Variants in GALNT13 observed in about 807,000 individuals in gnomAD.
GALNT13 encodes the protein polypeptide N-acetylgalactosaminyltransferase 13, also known as UDP-GalNAc:polypeptide N-acetylgalactosaminyltransferase 13.
Under a neutral mutation model 64.2 loss-of-function variants are expected in GALNT13, and 28 were observed. That is an observed-to-expected ratio of 0.44 (90% confidence interval 0.32 to 0.60). GALNT13 has a LOEUF of 0.60. Ranked by LOEUF, GALNT13 falls within the 20% of genes least tolerant of loss-of-function variation. GALNT13 has a pLI of 0.05. For synonymous variants in GALNT13, 214 were observed against 224.6 expected, an observed-to-expected ratio of 0.95 and a Z score of 0.42; for missense variants, 577 against 669.8, an observed-to-expected ratio of 0.86 and a Z score of 1.53.
At chr2:153,590,206 C>G in the GALNT13 span, among the ~76,000 whole-genome samples, 1 of 151,986 alleles carries the variant, frequency 6.6e-6, no homozygotes, top group African/African-American at 2.4e-5. Context: ...CTATTATGAA[C>G]ATATATACAC....
At chr2:153,773,494 A>G in the GALNT13 span, among the ~76,000 whole-genome samples, 1 of 152,166 alleles carries the variant, frequency 6.6e-6, no homozygotes, top group South Asian at 2.1e-4. Flanking sequence ...AGTATTGTGT[A>G]TTTGCATTTA....
At chr2:154,179,824 TA>T (rs56303526) in intron 4 of GALNT13, among the ~76,000 whole-genome samples, 64,603 of 126,524 alleles carry the variant, frequency 0.51, 14,863 homozygotes, top group East Asian at 0.65. Flanking sequence ...TCTTCCATGA[TA>T]AAAAAAAAAA....
the GALNT13 span, among the ~76,000 whole-genome samples, chr2:153,439,315 G>A: frequency 1.1e-3 from 162 of 152,260 alleles, 1 homozygote; most frequent in African/African-American, 3.7e-3. Context: ...CTCCAGCTGC[G>A]TGCTGGGAGA....
chr2:153,645,552 G>A, the GALNT13 span, among the ~76,000 whole-genome samples: 5 of 151,908 alleles, frequency 3.3e-5, no homozygotes, highest in African/African-American at 4.8e-5. Context: ...TTATTGACTC[G>A]TTAAGTCTAT....
chr2:153,507,414 A>G, the GALNT13 span, among the ~76,000 whole-genome samples: 3 of 151,864 alleles, frequency 2.0e-5, no homozygotes, highest in Non-Finnish European at 4.4e-5. Context: ...CCAAGTAGCT[A>G]GGACTACAGG....
chr2:153,092,972 A>G, the GALNT13 span, among the ~76,000 whole-genome samples: 4 of 151,898 alleles, frequency 2.6e-5, no homozygotes, highest in African/African-American at 9.7e-5. Context: ...CATTTAATAT[A>G]TTAGCTGTTG....
At chr2:153,599,701 G>A in the GALNT13 span, among the ~76,000 whole-genome samples, 2 of 151,990 alleles carry the variant, frequency 1.3e-5, no homozygotes, top group African/African-American at 4.8e-5. Context: ...TATAATCAGG[G>A]AAGGGTTTGG....
chr2:153,475,519 T>C, the GALNT13 span, among the ~76,000 whole-genome samples: 1 of 152,206 alleles, frequency 6.6e-6, no homozygotes, highest in African/African-American at 2.4e-5. Flanking sequence ...ATAGAGAAGA[T>C]AGAGGTCTTC....
chr2:153,373,017 T>G, the GALNT13 span, among the ~76,000 whole-genome samples: 1 of 152,206 alleles, frequency 6.6e-6, no homozygotes, highest in African/African-American at 2.4e-5. Flanking sequence ...AAATGATTAT[T>G]TTAACTCAAG....
chr2:153,458,077 A>G, the GALNT13 span, among the ~76,000 whole-genome samples: 1 of 152,106 alleles, frequency 6.6e-6, no homozygotes, highest in Non-Finnish European at 1.5e-5. Flanking sequence ...CTAACCTTGC[A>G]CTTCTGCTGT....
intron 9 of GALNT13, among the ~76,000 whole-genome samples, chr2:154,385,667 C>T (rs187468792): frequency 8.5e-4 from 129 of 152,034 alleles, no homozygotes; most frequent in African/African-American, 2.9e-3. Context: ...ACTATGTAGT[C>T]GGGAACATGA....
chr2:153,162,494 A>C, the GALNT13 span, among the ~76,000 whole-genome samples: 1 of 152,128 alleles, frequency 6.6e-6, no homozygotes. Flanking sequence ...TGATGATTGG[A>C]AAAACATTTC....
chr2:154,439,613 T>C (rs1157254808), intron 12 of GALNT13, among the ~76,000 whole-genome samples: 1 of 152,190 alleles, frequency 6.6e-6, no homozygotes, highest in Non-Finnish European at 1.5e-5. Flanking sequence ...AAGAATAACA[T>C]TTTAAAAACC....
chr2:153,629,645 A>T, the GALNT13 span, among the ~76,000 whole-genome samples: 2 of 152,294 alleles, frequency 1.3e-5, no homozygotes, highest in Admixed American at 6.5e-5. Context: ...AAATTGACAA[A>T]TGGGATCTAA....
chr2:153,284,055 C>T, the GALNT13 span, among the ~76,000 whole-genome samples: 8 of 152,172 alleles, frequency 5.3e-5, no homozygotes, highest in South Asian at 2.1e-4. Flanking sequence ...CTCTGATGCA[C>T]GATGATCTAT....
intron 8 of GALNT13, among the ~76,000 whole-genome samples, chr2:154,272,238 A>G (rs1691393768): frequency 6.6e-6 from 1 of 152,060 alleles, no homozygotes; most frequent in Non-Finnish European, 1.5e-5. Context: ...AAAAATAAAC[A>G]ATTAACTTCT....
At chr2:153,091,671 C>T in the GALNT13 span, among the ~76,000 whole-genome samples, 21 of 152,152 alleles carry the variant, frequency 1.4e-4, no homozygotes, top group Admixed American at 9.2e-4. Context: ...ACAATCACCT[C>T]TGTATTATTA....
chr2:153,453,490 A>G, the GALNT13 span, among the ~76,000 whole-genome samples: 2 of 152,204 alleles, frequency 1.3e-5, no homozygotes, highest in Admixed American at 1.3e-4. Flanking sequence ...AAGAAGACAT[A>G]TGAGCAGCCA....
At chr2:153,512,995 T>A in the GALNT13 span, among the ~76,000 whole-genome samples, 1 of 152,218 alleles carries the variant, frequency 6.6e-6, no homozygotes, top group Non-Finnish European at 1.5e-5. Flanking sequence ...AAAAAAATTC[T>A]AAAATATTCT....
Sources: gnomAD v4.1 joint callset for allele counts (sites outside exome capture counted in the v4.1 genomes callset) on GRCh38, gnomAD v4.1.1 for gene constraint, MANE v1.5 for transcripts, NCBI Gene and HGNC (gene_info 2026-07-23, HGNC 2026-07-21) for gene names.